RHOBTB1: variants seen among roughly 807,000 people sequenced by gnomAD.
The protein encoded by RHOBTB1 is Rho related BTB domain containing 1, also known as rho-related BTB domain-containing protein 1.
Under a neutral mutation model 71.6 loss-of-function variants are expected in RHOBTB1, and 40 were observed. The observed-to-expected ratio is 0.56, with a 90% CI of 0.43 to 0.73. The LOEUF is 0.73. Ranked by LOEUF, RHOBTB1 falls within the 30% of genes least tolerant of loss-of-function variation. The pLI is 0.00. For synonymous variants in RHOBTB1, 319 were observed against 334.9 expected, an observed-to-expected ratio of 0.95 and a Z score of 0.52; for missense variants, 797 against 894.0, an observed-to-expected ratio of 0.89 and a Z score of 1.38.
chr10:60,991,227 T>A (rs2086852573), intron 1 of RHOBTB1, among the ~76,000 whole-genome samples: 1 of 152,078 alleles, frequency 6.6e-6, no homozygotes. Flanking sequence ...AAATTGATGA[T>A]GTAACTAACT....
At chr10:60,923,834 C>T (rs181808173) in intron 2 of RHOBTB1, among the ~76,000 whole-genome samples, 1 of 152,188 alleles carries the variant, frequency 6.6e-6, no homozygotes, top group African/African-American at 2.4e-5. Context: ...TTTTCCTTGT[C>T]TGCCTCTCAC....
At chr10:60,993,347 C>T (rs2086933782) in intron 1 of RHOBTB1, among the ~76,000 whole-genome samples, 1 of 152,090 alleles carries the variant, frequency 6.6e-6, no homozygotes, top group African/African-American at 2.4e-5. Context: ...GGGCACATGC[C>T]AAAAACAAAA....
chr10:60,970,890 AT>A, intron 2 of RHOBTB1, among the ~76,000 whole-genome samples: 1 of 152,214 alleles, frequency 6.6e-6, no homozygotes, highest in South Asian at 2.1e-4. Context: ...TTGTAAAAAT[AT>A]TCATGGAGAG....
At chr10:60,971,427 A>T (rs1043418444) in intron 2 of RHOBTB1, among the ~76,000 whole-genome samples, 3 of 152,140 alleles carry the variant, frequency 2.0e-5, no homozygotes, top group Non-Finnish European at 2.9e-5. Context: ...CAAACCTGAC[A>T]AAAACAAGCA....
Position 60,982,055 on chromosome 10 carries a change from G to A in RHOBTB1, c.-62+3790C>T, listed in dbSNP as rs2086513841. Among the ~76,000 whole-genome samples the A allele has an allele frequency of 2.0e-5, 3 of 152,230 alleles. No individual in the cohort carries two copies. In the South Asian group the frequency reaches 6.2e-4, roughly 31 times the overall value. On this transcript the variant is annotated intron_variant, in intron 2 of 11. Coordinates refer to the RHOBTB1 transcript ENST00000357917. ...CAAAGGGCTGGGATTACAGGCATGA[G>A]CCACTGTGGCTGGCCTGTAAGTTAC...
At chr10:60,983,364 CAT>C (rs1452186930) in intron 2 of RHOBTB1, among the ~76,000 whole-genome samples, 6 of 152,150 alleles carry the variant, frequency 3.9e-5, no homozygotes, top group Admixed American at 2.0e-4. Context: ...TATTATAAGA[CAT>C]ATGATTTTTC....
At chr10:60,861,685 G>C in the RHOBTB1 span, among the ~76,000 whole-genome samples, 2 of 152,092 alleles carry the variant, frequency 1.3e-5, no homozygotes, top group Non-Finnish European at 2.9e-5. Context: ...GCCATTTTTG[G>C]AAAGAGCTAG....
downstream of RHOBTB1, among the ~76,000 whole-genome samples, chr10:60,865,900 C>T (rs553126025): frequency 4.6e-5 from 7 of 152,140 alleles, no homozygotes; most frequent in South Asian, 2.1e-4. Context: ...GGTGTTATCT[C>T]GGCTTACTGC....
intron 2 of RHOBTB1, among the ~76,000 whole-genome samples, chr10:60,953,961 A>G (rs1197766574): frequency 8.5e-6 from 1 of 118,254 alleles, no homozygotes; most frequent in East Asian, 3.8e-4. Flanking sequence ...TGTAATTTTA[A>G]GCTTTAAATT....
chr10:60,969,227 C>T (rs2086072366), intron 2 of RHOBTB1, among the ~76,000 whole-genome samples: 1 of 152,110 alleles, frequency 6.6e-6, no homozygotes, highest in South Asian at 2.1e-4. Flanking sequence ...CTAAACCCAA[C>T]TGTGCAGATA....
chr10:61,000,534 G>A (rs981644476), intron 1 of RHOBTB1, among the ~76,000 whole-genome samples: 4 of 152,012 alleles, frequency 2.6e-5, no homozygotes, highest in Non-Finnish European at 5.9e-5. Flanking sequence ...ACTTAGTTTC[G>A]AATTCAAATT....
At chr10:60,934,312 T>C (rs1231146604) in intron 2 of RHOBTB1, among the ~76,000 whole-genome samples, 1 of 152,222 alleles carries the variant, frequency 6.6e-6, no homozygotes, top group Non-Finnish European at 1.5e-5. Context: ...CTCATCAATA[T>C]ATCATCTTGG....
intron 6 of RHOBTB1, among the ~76,000 whole-genome samples, chr10:60,886,501 C>T (rs904164343): frequency 2.6e-5 from 4 of 152,074 alleles, no homozygotes; most frequent in African/African-American, 7.2e-5. Context: ...TTTTTTCCTC[C>T]TTGCTATGCA....
intron 2 of RHOBTB1, among the ~76,000 whole-genome samples, chr10:60,977,369 T>A (rs1056592206): frequency 6.6e-6 from 1 of 152,150 alleles, no homozygotes; most frequent in Non-Finnish European, 1.5e-5. Flanking sequence ...ATGTCACTTA[T>A]GTATGGCTGC....
intron 1 of RHOBTB1, among the ~76,000 whole-genome samples, chr10:60,994,761 T>A (rs1392725200): frequency 6.6e-6 from 1 of 152,062 alleles, no homozygotes; most frequent in African/African-American, 2.4e-5. Flanking sequence ...CTGTCATACA[T>A]GCAACTATGA....
chr10:60,875,842 C>T (rs985032174), intron 8 of RHOBTB1, among the ~76,000 whole-genome samples: 6 of 152,212 alleles, frequency 3.9e-5, no homozygotes, highest in South Asian at 2.1e-4. Context: ...TAGGCCATCT[C>T]TTGCCTTTGT....
At chr10:60,987,558 C>A (rs1166501463) in intron 1 of RHOBTB1, among the ~76,000 whole-genome samples, 1 of 152,160 alleles carries the variant, frequency 6.6e-6, no homozygotes, top group African/African-American at 2.4e-5. Flanking sequence ...TTCAGAAACT[C>A]ACCCACCATC....
At chr10:60,967,315 CAG>C (rs1168779601) in intron 2 of RHOBTB1, among the ~76,000 whole-genome samples, 3 of 126,710 alleles carry the variant, frequency 2.4e-5, no homozygotes, top group African/African-American at 9.0e-5. Flanking sequence ...CTTTTTTAGA[CAG>C]AGTCTCACTC....
At chr10:60,884,121 C>T (rs2081456868) in intron 7 of RHOBTB1, among the ~76,000 whole-genome samples, 2 of 152,282 alleles carry the variant, frequency 1.3e-5, no homozygotes, top group African/African-American at 4.8e-5. Context: ...GGTTTAGGAG[C>T]AGCTGCAGTT....
Sources: gnomAD v4.1 joint callset for allele counts (sites outside exome capture counted in the v4.1 genomes callset) on GRCh38, gnomAD v4.1.1 for gene constraint, MANE v1.5 for transcripts, NCBI Gene and HGNC (gene_info 2026-07-23, HGNC 2026-07-21) for gene names.